BEND2: variants seen among roughly 807,000 people sequenced by gnomAD.
BEND2 encodes BEN domain containing 2.
BEND2 carries 19 observed loss-of-function variants against 43.8 expected under a neutral mutation model. The observed-to-expected ratio is 0.43, with a 90% CI of 0.30 to 0.64. The LOEUF (loss-of-function observed/expected upper bound fraction) is 0.64. BEND2 is among the 30% of genes least tolerant of loss of function. BEND2 has a pLI of 0.11. For synonymous variants in BEND2, 226 were observed against 210.1 expected, an observed-to-expected ratio of 1.08 and a Z score of -0.66; for missense variants, 544 against 574.0, an observed-to-expected ratio of 0.95 and a Z score of 0.53.
chrX:18,177,609 G>T lies in BEND2; in HGVS notation c.1590C>A (p.Asp530Glu), dbSNP rs1380433843. ...ISSSVDIHLKDSQSLDPNKMA... is the reference protein window; with the variant it reads ...ISSSVDIHLKESQSLDPNKMA... ...TTTTGTTCGGGTCGAGGGATTGGCT[G>T]TCTTTCAAATGGATATCCACTGAGC... Residue 530 changes from aspartate to glutamate, a missense_variant, in exon 10 of 14, where the codon GAC becomes GAA. Coordinates refer to ENST00000380033, the MANE Select transcript of BEND2 (RefSeq NM_153346.5). 1 of 1,209,296 alleles carries T rather than the reference G, an allele frequency of 8.3e-7. No homozygotes were observed. The highest frequency in any genetic ancestry group is 1.8e-5 in the South Asian group (1 of 56,713).
At chrX:18,200,364 G>A (rs920514144) in intron 6 of BEND2, among the ~76,000 whole-genome samples, 19 of 109,741 alleles carry the variant, frequency 1.7e-4, no homozygotes, top group African/African-American at 4.3e-4. Context: ...TTAGCTGGGC[G>A]TGGTGGCACA....
At chrX:18,208,489 T>C (rs1052409830) in intron 4 of BEND2, among the ~76,000 whole-genome samples, 9 of 110,429 alleles carry the variant, frequency 8.2e-5, no homozygotes, top group African/African-American at 1.3e-4. Flanking sequence ...CCATCTCAAA[T>C]ATATATATAT....
intron 3 of BEND2, among the ~76,000 whole-genome samples, chrX:18,213,050 A>C (rs1222851152): frequency 8.9e-6 from 1 of 111,830 alleles, no homozygotes; most frequent in Non-Finnish European, 1.9e-5. Context: ...CCAAAATGTA[A>C]GCCAGGAATC....
In BEND2 at chrX:18,176,563, T is replaced by C. The variant is rs765016157; in HGVS notation, c.1631-470A>G. On this transcript the variant is annotated intron_variant, in intron 10 of 13. Coordinates refer to ENST00000380033, the MANE Select transcript of BEND2 (RefSeq NM_153346.5). ...GTATGGTGGCATGCACCTGTGGGCC[T>C]AGCTACTCAGGAGGCTGGGGAGGAA... 1.1e-3 allele frequency among the ~76,000 whole-genome samples: 120 copies of C among 108,468 alleles called. 1 individual carries two copies. Among genetic ancestry groups the C allele is most frequent in the African/African-American group, 3.8e-3 (113 of 29,755 alleles). The allele number at this position is 108,468 out of a possible 115,157, so 94.2% of individuals were successfully genotyped here. A position where few individuals can be genotyped will look rare whatever the true frequency, so the allele number is the denominator to read the frequency against.
At chrX:18,199,184 C>T (rs1275662951) in intron 6 of BEND2, among the ~76,000 whole-genome samples, 2 of 108,982 alleles carry the variant, frequency 1.8e-5, no homozygotes, top group Non-Finnish European at 1.9e-5. Flanking sequence ...CACATGTACC[C>T]TAAAACTTAA....
chrX:18,171,176 T>A lies in BEND2; in HGVS notation c.2010A>T (p.Ile670=). The change falls in exon 13 of 14, where the codon ATA becomes ATT. Residue 670 remains isoleucine (I), a synonymous_variant. Transcript: ENST00000380033. ...WSYFGRPWRN[I]RMPCSVLTLA... ...AAGTCAGTACTGAACATGGCATCCG[T>A]ATATTTCTCCATGGTCTTCCAAAAT... 8.3e-7 allele frequency: 1 copy of A among 1,209,373 alleles called. No individual in the cohort carries two copies. Among genetic ancestry groups the A allele is most frequent in the Non-Finnish European group, 1.1e-6 (1 of 893,036 alleles).
At chrX:18,176,336 A>G (rs1013300861) in intron 10 of BEND2, among the ~76,000 whole-genome samples, 64 of 97,210 alleles carry the variant, frequency 6.6e-4, no homozygotes, top group African/African-American at 2.3e-3. Context: ...TAAAACACTG[A>G]CGTAGGAAGC....
chrX:18,190,201 C>T (rs1366947660), intron 8 of BEND2, among the ~76,000 whole-genome samples: 1 of 111,815 alleles, frequency 8.9e-6, no homozygotes, highest in Non-Finnish European at 1.9e-5. Context: ...TAATATACCA[C>T]CCAGCAGTTA....
At chrX:18,180,149 C>G (rs1174904547) in intron 9 of BEND2, among the ~76,000 whole-genome samples, 1 of 111,999 alleles carries the variant, frequency 8.9e-6, no homozygotes, top group Non-Finnish European at 1.9e-5. Flanking sequence ...TGCACTCCAG[C>G]CTGGGCAATA....
intron 1 of BEND2, among the ~76,000 whole-genome samples, chrX:18,218,604 C>T (rs780877430): frequency 1.8e-5 from 2 of 112,585 alleles, no homozygotes; most frequent in Admixed American, 1.9e-4. Context: ...GGCTCTCACT[C>T]GTAATCCCCG....
In BEND2 at chrX:18,186,458, G is replaced by GAAA. The variant is rs762170297; in HGVS notation, c.1288+4540_1288+4542dup. 7.9e-3 allele frequency among the ~76,000 whole-genome samples: 362 copies of GAAA among 46,029 alleles called. 6 individuals are homozygous for GAAA. Among genetic ancestry groups the GAAA allele is most frequent in the African/African-American group, 0.025 (339 of 13,672 alleles). The allele number at this position is 46,029 out of a possible 115,157, so 40.0% of individuals were successfully genotyped here. A position where few individuals can be genotyped will look rare whatever the true frequency, so the allele number is the denominator to read the frequency against. ...GGGTGAAAAGAAGGAAACTCCGTCG[G>GAAA]AAAAAAAAAAAAAAAAAAAGACATA... On this transcript the variant is annotated intron_variant, in intron 8 of 13. Transcript: ENST00000380033.
In BEND2 at chrX:18,180,565, G is replaced by A. The variant is rs766884089; in HGVS notation, c.1374C>T (p.Asp458=). 24 of 1,207,919 alleles carry A rather than the reference G, an allele frequency of 2.0e-5. No homozygotes were observed. The East Asian group carries it at 6.8e-4, about 34-fold the overall frequency. Residue 458 remains aspartate, a synonymous_variant, in exon 9 of 14, where the codon GAC becomes GAT. Coordinates refer to ENST00000380033, the MANE Select transcript of BEND2 (RefSeq NM_153346.5). Reference sequence around the variant, plus strand: ...AGGAAGAATCCTGGCCACTGTCACTGTCCAATAAAGTTGAGCGATTCATTG... The same window carrying A: ...AGGAAGAATCCTGGCCACTGTCACTATCCAATAAAGTTGAGCGATTCATTG... ...VNTMNRSTLL[D]SDSGQDSSSS...
At chrX:18,192,168 A>T (rs1225050537) in intron 7 of BEND2, among the ~76,000 whole-genome samples, 1 of 111,348 alleles carries the variant, frequency 9.0e-6, no homozygotes, top group Non-Finnish European at 1.9e-5. Context: ...GTTTTTGCAG[A>T]CCTCTTTCCT....
chrX:18,215,656 C>T (rs1319022053), intron 2 of BEND2, among the ~76,000 whole-genome samples: 2 of 112,186 alleles, frequency 1.8e-5, no homozygotes, highest in East Asian at 5.5e-4. Flanking sequence ...ATATCAGCTG[C>T]TTTCATGCTA....
intron 13 of BEND2, among the ~76,000 whole-genome samples, chrX:18,170,341 G>C (rs778101834): frequency 7.1e-5 from 8 of 112,124 alleles, no homozygotes; most frequent in African/African-American, 9.7e-5. Flanking sequence ...AATTGGGTTA[G>C]ATGATAACAA....
Position 18,195,306 on chromosome X carries a change from A to C in BEND2, c.1170T>G (p.Thr390=). 2 of 1,203,730 alleles carry C rather than the reference A, an allele frequency of 1.7e-6. No homozygotes were observed. The highest frequency in any genetic ancestry group is 1.1e-6 in the Non-Finnish European group (1 of 892,645). The change falls in exon 7 of 14, where the codon ACT becomes ACG. Residue 390 remains threonine, a synonymous_variant. Coordinates refer to ENST00000380033, the MANE Select transcript of BEND2 (RefSeq NM_153346.5). ...PYPASSYLPI[T]SNFESGPQMS... The stretch of plus-strand genomic sequence containing the variant: ...TTATTTCAAACTCACCAAAATTAGA[A>C]GTGATGGGAAGATATGAAGAGGCTG...
intron 1 of BEND2, among the ~76,000 whole-genome samples, chrX:18,220,355 C>CG (rs1925830301): frequency 1.8e-5 from 2 of 112,596 alleles, no homozygotes; most frequent in Non-Finnish European, 3.8e-5. Context: ...GAAAGAACCG[C>CG]GGGCCAGAGG....
At chrX:18,203,454 T>C in intron 5 of BEND2, 47 bp downstream of exon 5, 1 of 1,125,472 alleles carries the variant, frequency 8.9e-7, no homozygotes, top group Non-Finnish European at 1.2e-6. Context: ...TGTTTTAAAA[T>C]CTAGATTGAA....
chrX:18,201,257 G>A (rs1186556166), intron 6 of BEND2, among the ~76,000 whole-genome samples: 4 of 106,506 alleles, frequency 3.8e-5, no homozygotes, highest in Non-Finnish European at 5.8e-5. Flanking sequence ...TTAGCCAGGC[G>A]TGGTGGTGCA....
Sources: gnomAD v4.1 joint callset for allele counts (sites outside exome capture counted in the v4.1 genomes callset) on GRCh38, gnomAD v4.1.1 for gene constraint, MANE v1.5 for transcripts, NCBI Gene and HGNC (gene_info 2026-07-23, HGNC 2026-07-21) for gene names.